CCDC12: variants seen among roughly 807,000 people sequenced by gnomAD.
CCDC12 encodes the protein coiled-coil domain containing 12.
In CCDC12, 28 loss-of-function variants were observed where a neutral mutation model predicts 25.7. The ratio of observed to expected loss-of-function variants is 1.09; its 90% confidence interval spans 0.81 to 1.50. The LOEUF is 1.50. CCDC12 is among the 40% of genes most tolerant of loss of function. The pLI is 0.00. For synonymous variants in CCDC12, 75 were observed against 87.7 expected, an observed-to-expected ratio of 0.86 and a Z score of 0.81; for missense variants, 198 against 210.0, an observed-to-expected ratio of 0.94 and a Z score of 0.35.
intron 2 of CCDC12, among the ~76,000 whole-genome samples, chr3:46,930,904 C>T (rs1215646436): frequency 6.6e-6 from 1 of 152,206 alleles, no homozygotes; most frequent in Non-Finnish European, 1.5e-5. Context: ...GGCCCTGTGT[C>T]GGCTGCATGT....
At chr3:46,926,764 C>T (rs1575536218) in intron 2 of CCDC12, among the ~76,000 whole-genome samples, 2 of 152,274 alleles carry the variant, frequency 1.3e-5, no homozygotes, top group African/African-American at 2.4e-5. Context: ...GCCGCAGGTC[C>T]TCCTCCTTCC....
Position 46,921,799 on chromosome 3 carries a change from T to C in CCDC12, c.*258A>G, listed in dbSNP as rs1214026465. Reference sequence around the variant, plus strand: ...TTAGAAAGTTCAAAATATATACATATATACAGACATATGTACATCCACATG... The same window carrying C: ...TTAGAAAGTTCAAAATATATACATACATACAGACATATGTACATCCACATG... On this transcript the variant is annotated 3_prime_UTR_variant, in exon 7 of 7. Transcript: ENST00000683445. 3.7e-6 allele frequency: 2 copies of C among 545,340 alleles called. No individual in the cohort carries two copies. The highest frequency in any genetic ancestry group is 3.8e-5 in the African/African-American group (2 of 52,940). 33.8% of individuals were successfully genotyped at this position (545,340 alleles called of 1,614,324 possible).
At chr3:46,950,989 C>T (rs557404226) in intron 1 of CCDC12, among the ~76,000 whole-genome samples, 1 of 152,152 alleles carries the variant, frequency 6.6e-6, no homozygotes, top group East Asian at 1.9e-4. Flanking sequence ...ACCTGTAATC[C>T]CAGCATTTCG....
chr3:46,955,515 G>A (rs1158642881), intron 1 of CCDC12, among the ~76,000 whole-genome samples: 2 of 152,120 alleles, frequency 1.3e-5, no homozygotes, highest in African/African-American at 4.8e-5. Flanking sequence ...AGAGAAGAGG[G>A]AAGATGCAGA....
At chr3:46,940,847 A>G in intron 2 of CCDC12, 151 bp downstream of exon 2, 1 of 696,796 alleles carries the variant, frequency 1.4e-6, no homozygotes, top group Non-Finnish European at 2.5e-6. Context: ...TGAGATGTTG[A>G]GATTTTAAGG....
chr3:46,923,498 G>A, intron 4 of CCDC12, 109 bp downstream of exon 4: 2 of 1,455,246 alleles, frequency 1.4e-6, no homozygotes, highest in Non-Finnish European at 1.9e-6. Context: ...CTGGTGGGAA[G>A]GGAATAAAGA....
At chr3:46,953,412 C>G (rs774542558) in intron 1 of CCDC12, among the ~76,000 whole-genome samples, 1 of 152,132 alleles carries the variant, frequency 6.6e-6, no homozygotes, top group Admixed American at 6.6e-5. Context: ...AAAGACTTCA[C>G]AGACTCGCAC....
chr3:46,946,612 T>G (rs1218979658), intron 1 of CCDC12, among the ~76,000 whole-genome samples: 1 of 152,228 alleles, frequency 6.6e-6, no homozygotes, highest in Non-Finnish European at 1.5e-5. Context: ...GTGGGAGGGC[T>G]GAGCCCAGCA....
intron 1 of CCDC12, among the ~76,000 whole-genome samples, chr3:46,947,709 G>C (rs1300505396): frequency 6.6e-6 from 1 of 152,194 alleles, no homozygotes; most frequent in Admixed American, 6.5e-5. Context: ...AGAGTTCCTA[G>C]AGGGCAGACG....
At chr3:46,954,587 A>T (rs1266681935) in intron 1 of CCDC12, among the ~76,000 whole-genome samples, 1 of 152,210 alleles carries the variant, frequency 6.6e-6, no homozygotes, top group Non-Finnish European at 1.5e-5. Context: ...TTTGTTCTTA[A>T]AATGGGGTGG....
At chr3:46,959,415 A>G (rs933477115) in intron 1 of CCDC12, among the ~76,000 whole-genome samples, 1 of 152,214 alleles carries the variant, frequency 6.6e-6, no homozygotes, top group African/African-American at 2.4e-5. Flanking sequence ...GCTGGCACAG[A>G]GTACGTCCTC....
In CCDC12 at chr3:46,923,403, C is replaced by T. The variant is rs1178793482; in HGVS notation, c.307-40G>A. On this transcript the variant is annotated intron_variant, in intron 4 of 6. Coordinates refer to ENST00000683445, the MANE Select transcript of CCDC12 (RefSeq NM_001277074.2). ...GACACACATCAGGGTGGAGGGGCCACCCCAGGACAAGGGGGAGGGCAGGCT... is the reference window on the plus strand; with the variant it reads ...GACACACATCAGGGTGGAGGGGCCATCCCAGGACAAGGGGGAGGGCAGGCT... The T allele has an allele frequency of 1.9e-6, 3 of 1,547,644 alleles. 1 individual carries two copies. The highest frequency in any genetic ancestry group is 2.5e-5 in the South Asian group (2 of 80,028).
chr3:46,942,440 T>C (rs994597528), intron 1 of CCDC12, among the ~76,000 whole-genome samples: 10 of 152,400 alleles, frequency 6.6e-5, no homozygotes, highest in African/African-American at 2.2e-4. Context: ...GAGCCTGCTC[T>C]GGTGGACACA....
upstream of CCDC12, chr3:46,979,984 G>C (rs1356522282): frequency 5.0e-6 from 1 of 201,214 alleles, no homozygotes; most frequent in Non-Finnish European, 9.7e-6. Flanking sequence ...CGCGCCTGCT[G>C]CACCTGGCGC....
intron 1 of CCDC12, among the ~76,000 whole-genome samples, chr3:46,971,098 C>G: frequency 6.6e-6 from 1 of 152,240 alleles, no homozygotes; most frequent in Non-Finnish European, 1.5e-5. Context: ...CTCTATGCAC[C>G]TGAATGTTCC....
At chr3:46,963,045 CAT>C (rs1459864334) in intron 1 of CCDC12, among the ~76,000 whole-genome samples, 1 of 152,206 alleles carries the variant, frequency 6.6e-6, no homozygotes, top group African/African-American at 2.4e-5. Context: ...AACTGACAAA[CAT>C]ATGATGAATG....
intron 5 of CCDC12, 114 bp downstream of exon 5, chr3:46,923,215 G>T: frequency 1.8e-6 from 2 of 1,085,966 alleles, no homozygotes; most frequent in Non-Finnish European, 2.5e-6. Context: ...GTAACTCTAT[G>T]TCTGTACTGC....
chr3:46,935,605 G>GT (rs2107125159), intron 2 of CCDC12, among the ~76,000 whole-genome samples: 1 of 152,308 alleles, frequency 6.6e-6, no homozygotes, highest in South Asian at 2.1e-4. Context: ...TATCTGGGCA[G>GT]TACACAGGGG....
At chr3:46,977,221 TC>T (rs895684460), upstream of CCDC12, among the ~76,000 whole-genome samples, 2 of 152,080 alleles carry the variant, frequency 1.3e-5, no homozygotes, top group African/African-American at 4.8e-5. Context: ...ACGCCTGTAA[TC>T]CCAGCACTTT....
Sources: allele counts gnomAD v4.1 joint callset (sites outside exome capture counted in the v4.1 genomes callset), GRCh38; gene constraint gnomAD v4.1.1; transcripts MANE v1.5; gene names NCBI Gene and HGNC (gene_info 2026-07-23, HGNC 2026-07-21).